The following ABHD18 variants were observed in gnomAD, a reference collection of about 807,000 sequenced individuals.
The protein encoded by ABHD18 is cardiolipin-specific deacylase, mitochondrial.
Under a neutral mutation model 65.9 loss-of-function variants are expected in ABHD18, and 55 were observed. The observed-to-expected ratio is 0.84, with a 90% CI of 0.67 to 1.05. ABHD18 has a LOEUF of 1.05. Ranked by LOEUF, ABHD18 falls within the 50% of genes least tolerant of loss-of-function variation. The probability of loss-of-function intolerance (pLI) is 0.00; values close to 1 mark genes in which losing one functional copy is unlikely to be tolerated. For synonymous variants in ABHD18, 181 were observed against 180.2 expected, an observed-to-expected ratio of 1.00 and a Z score of -0.04; for missense variants, 533 against 558.5, an observed-to-expected ratio of 0.95 and a Z score of 0.46.
At chr4:128,012,528 A>G (rs1367868520) in intron 7 of ABHD18, among the ~76,000 whole-genome samples, 1 of 152,210 alleles carries the variant, frequency 6.6e-6, no homozygotes, top group Non-Finnish European at 1.5e-5. Flanking sequence ...TGGGAGATAG[A>G]TAACAATAAA....
intron 3 of ABHD18, 111 bp from the exon 4 acceptor site, chr4:127,989,610 G>A: frequency 1.6e-6 from 1 of 608,284 alleles, no homozygotes; most frequent in Non-Finnish European, 2.8e-6. Flanking sequence ...TACATAGTAG[G>A]TGCTGAAAAC....
chr4:127,978,889 A>G (rs1361259408), intron 1 of ABHD18, among the ~76,000 whole-genome samples: 1 of 152,184 alleles, frequency 6.6e-6, no homozygotes, highest in Non-Finnish European at 1.5e-5. Flanking sequence ...TAACACTCCA[A>G]CGAACCCACT....
At chr4:127,978,675 A>C (rs1456210950) in intron 1 of ABHD18, among the ~76,000 whole-genome samples, 1 of 152,170 alleles carries the variant, frequency 6.6e-6, no homozygotes, top group Non-Finnish European at 1.5e-5. Flanking sequence ...CATTACTTCC[A>C]TTTTACAGAT....
At position 128,035,775 on chromosome 4, in the gene ABHD18, G is replaced by A. The variant is rs1758828707; in HGVS notation, c.1357G>A (p.Asp453Asn). 1.3e-6 allele frequency: 2 copies of A among 1,535,526 alleles called. No individual in the cohort carries two copies. Among genetic ancestry groups the A allele is most frequent in the Middle Eastern group, 3.4e-4 (2 of 5,952 alleles). The change falls in exon 13 of 13, where the codon GAT (aspartate) becomes AAT (asparagine). Residue 453 changes from aspartate to asparagine, a missense_variant. Asp to Asn is a conservative substitution (Grantham distance 23, BLOSUM62 1). Around this residue, in one of 3 missense-constraint regions of ABHD18, gnomAD observed 220 missense variants for 226.8 expected, o/e 0.97. Transcript: ENST00000645843. ...KQGLFRQAIYDAFDRFLHKYA... is the reference protein window; with the variant it reads ...KQGLFRQAIYNAFDRFLHKYA... Reference sequence around the variant, plus strand: ...ATTTAATTTTAGACAAGCCATCTATGATGCATTTGACCGCTTCCTCCATAA... The same window carrying A: ...ATTTAATTTTAGACAAGCCATCTATAATGCATTTGACCGCTTCCTCCATAA...
At chr4:127,999,963 C>T (rs920270417) in intron 4 of ABHD18, among the ~76,000 whole-genome samples, 3 of 152,152 alleles carry the variant, frequency 2.0e-5, no homozygotes, top group African/African-American at 7.2e-5. Flanking sequence ...TGGGAAGGCC[C>T]CACAATCATG....
chr4:127,996,962 A>G (rs1482662792), intron 4 of ABHD18, among the ~76,000 whole-genome samples: 1 of 152,220 alleles, frequency 6.6e-6, no homozygotes, highest in Non-Finnish European at 1.5e-5. Flanking sequence ...CATATTGTGC[A>G]AACACACATT....
chr4:127,967,740 C>T (rs1745919639), intron 1 of ABHD18, among the ~76,000 whole-genome samples: 1 of 149,846 alleles, frequency 6.7e-6, no homozygotes, highest in Non-Finnish European at 1.5e-5. Flanking sequence ...CTCTTAGGAA[C>T]ACACACATAG....
chr4:128,022,769 C>CTTTTTTTTTTT (rs1234304858), intron 10 of ABHD18, among the ~76,000 whole-genome samples: 2 of 130,958 alleles, frequency 1.5e-5, no homozygotes, highest in Non-Finnish European at 1.7e-5. Flanking sequence ...CGATCCTTTT[C>CTTTTTTTTTTT]TTTTTTTTTT....
Position 128,035,902 on chromosome 4 carries a change from C to A in ABHD18, c.*89C>A, listed in dbSNP as rs1560953837. On this transcript the variant is annotated 3_prime_UTR_variant, in exon 13 of 13. Transcript: ENST00000645843. Reference sequence around the variant, plus strand: ...GATCATGTGAAGGACAAGCAGACAGCACTAATATATCTAATCGCTATCAAT... The same window carrying A: ...GATCATGTGAAGGACAAGCAGACAGAACTAATATATCTAATCGCTATCAAT... The A allele has an allele frequency of 5.7e-6, 4 of 698,200 alleles. No individual in the cohort carries two copies. Among genetic ancestry groups the A allele is most frequent in the East Asian group, 5.6e-5 (2 of 35,458 alleles). The allele number at this position is 698,200 out of a possible 1,614,324, so 43.3% of individuals were successfully genotyped here.
intron 4 of ABHD18, among the ~76,000 whole-genome samples, chr4:128,008,214 A>G (rs1159831664): frequency 6.7e-6 from 1 of 148,700 alleles, no homozygotes; most frequent in Admixed American, 6.7e-5. Context: ...GTGAGCTGAA[A>G]TCATGCCACC....
chr4:128,034,728 A>G (rs1028036958), intron 12 of ABHD18, among the ~76,000 whole-genome samples: 2 of 151,558 alleles, frequency 1.3e-5, no homozygotes, highest in African/African-American at 4.9e-5. Flanking sequence ...CTCAGCTCAC[A>G]CAACCTCTGC....
chr4:128,030,456 GT>G, intron 11 of ABHD18, 53 bp from the exon 12 acceptor site: 1 of 1,270,704 alleles, frequency 7.9e-7, no homozygotes, highest in Non-Finnish European at 1.0e-6. Context: ...CATTGTGTGG[GT>G]TTTTTTATTT....
At position 128,020,216 on chromosome 4, in the gene ABHD18, T is replaced by C. The variant is rs375698416; in HGVS notation, c.699+47T>C. 45 of 1,486,394 alleles carry C rather than the reference T, an allele frequency of 3.0e-5. No homozygotes were observed. The African/African-American group carries it at 4.2e-4, about 14-fold the overall frequency. 92.1% of individuals were successfully genotyped at this position (1,486,394 alleles called of 1,614,324 possible). On this transcript the variant is annotated intron_variant, in intron 9 of 12. Transcript: ENST00000645843. ...TTAGGTAGCTATATATAATTAGAGG[T>C]AATTGTTTTGGGGGGGTCCCCAAAA...
chr4:128,008,241 A>G (rs931088440), intron 4 of ABHD18, among the ~76,000 whole-genome samples: 1 of 147,572 alleles, frequency 6.8e-6, no homozygotes, highest in African/African-American at 2.5e-5. Context: ...TAGCCTGGGC[A>G]ACAGAGTGAG....
intron 1 of ABHD18, among the ~76,000 whole-genome samples, chr4:127,973,584 G>A (rs72681860): frequency 1.9e-4 from 29 of 152,062 alleles, no homozygotes; most frequent in Non-Finnish European, 3.7e-4. Flanking sequence ...TTGAGTTTGG[G>A]CAGAACCCAT....
chr4:127,982,907 AT>A, intron 1 of ABHD18, 31 bp from the exon 2 acceptor site: 1 of 1,206,174 alleles, frequency 8.3e-7, no homozygotes, highest in East Asian at 2.7e-5. Context: ...CAAATAAAAT[AT>A]TTTAAAGCCA....
chr4:127,966,392 A>T (rs1248968270), intron 1 of ABHD18, among the ~76,000 whole-genome samples: 1 of 152,202 alleles, frequency 6.6e-6, no homozygotes, highest in Non-Finnish European at 1.5e-5. Flanking sequence ...GAAGTGGCAA[A>T]GTTGGAAACC....
At chr4:127,992,475 TA>T (rs1203669364) in intron 4 of ABHD18, among the ~76,000 whole-genome samples, 17 of 146,906 alleles carry the variant, frequency 1.2e-4, no homozygotes, top group Non-Finnish European at 1.5e-4. Context: ...AACACCATCT[TA>T]AAAAAAAAAG....
At chr4:127,994,047 T>G (rs1366684562) in intron 4 of ABHD18, among the ~76,000 whole-genome samples, 1 of 152,220 alleles carries the variant, frequency 6.6e-6, no homozygotes, top group African/African-American at 2.4e-5. Flanking sequence ...CTGTCTCTTT[T>G]TCACACTTTC....
Sources: allele counts gnomAD v4.1 joint callset (sites outside exome capture counted in the v4.1 genomes callset), GRCh38; gene constraint gnomAD v4.1.1; regional missense constraint gnomAD v4.1.1; transcripts MANE v1.5; gene names NCBI Gene and HGNC (gene_info 2026-07-23, HGNC 2026-07-21).